Variants in RNF130 observed in about 807,000 individuals in gnomAD.
The protein encoded by RNF130 is E3 ubiquitin-protein ligase RNF130.
A neutral mutation model predicts 44.6 loss-of-function variants in RNF130; 21 were observed. The observed-to-expected ratio is 0.47, with a 90% confidence interval of 0.33 to 0.68. The LOEUF is 0.68. Among genes scored for constraint, RNF130 ranks in the 30% least tolerant of loss-of-function variants. RNF130 has a pLI of 0.02. For missense variants in RNF130, 479 were observed against 560.6 expected, an observed-to-expected ratio of 0.85 and a Z score of 1.47; for synonymous variants, 214 against 210.4, an observed-to-expected ratio of 1.02 and a Z score of -0.15.
intron 1 of RNF130, among the ~76,000 whole-genome samples, chr5:180,042,147 A>ACGGGGAT (rs2113142871): frequency 6.6e-6 from 1 of 152,368 alleles, no homozygotes; most frequent in South Asian, 2.1e-4. Context: ...TGCCTAGCAA[A>ACGGGGAT]AGAAACTAAA....
exon 8 of RNF130, chr5:179,919,007 G>C (rs1016526466): frequency 6.6e-6 from 1 of 152,220 alleles, no homozygotes; most frequent in Non-Finnish European, 1.5e-5. Flanking sequence ...GTTTGCTGTC[G>C]GATCTGACCC....
intron 5 of RNF130, among the ~76,000 whole-genome samples, chr5:179,975,626 G>A (rs1378920571): frequency 1.3e-5 from 2 of 152,136 alleles, no homozygotes; most frequent in African/African-American, 4.8e-5. Context: ...TTGGTGATGC[G>A]TGGAGTGTAA....
intron 3 of RNF130, among the ~76,000 whole-genome samples, chr5:180,005,257 G>A (rs533531206): frequency 2.0e-5 from 3 of 152,156 alleles, no homozygotes; most frequent in South Asian, 2.1e-4. Context: ...GCGAAACCCC[G>A]TCTCTACTAA....
At chr5:179,995,447 A>C (rs1056866721) in intron 3 of RNF130, among the ~76,000 whole-genome samples, 2 of 152,136 alleles carry the variant, frequency 1.3e-5, no homozygotes, top group Non-Finnish European at 2.9e-5. Context: ...CCTACCAAAG[A>C]CCCAGTGTTC....
intron 1 of RNF130, among the ~76,000 whole-genome samples, chr5:180,055,622 A>G (rs921411670): frequency 6.6e-6 from 1 of 152,198 alleles, no homozygotes; most frequent in South Asian, 2.1e-4. Flanking sequence ...CCAACAGTAT[A>G]ATAGCCATAC....
intron 7 of RNF130, chr5:179,939,655 GC>G: frequency 2.2e-6 from 1 of 464,894 alleles, no homozygotes; most frequent in Non-Finnish European, 4.3e-6. Context: ...ATGAAGTGAG[GC>G]CCTGTGACCT....
chr5:179,998,886 T>TATATATAGATA, intron 3 of RNF130, among the ~76,000 whole-genome samples: 1 of 105,942 alleles, frequency 9.4e-6, no homozygotes, highest in East Asian at 2.7e-4. Flanking sequence ...TATATATATG[T>TATATATAGATA]TTTATATATC....
At chr5:180,019,824 A>G (rs1321457973) in intron 2 of RNF130, among the ~76,000 whole-genome samples, 1 of 152,242 alleles carries the variant, frequency 6.6e-6, no homozygotes, top group Non-Finnish European at 1.5e-5. Context: ...TCAGAAAAAT[A>G]AAGTGCAAAC....
chr5:179,937,624 C>T (rs889549490), intron 7 of RNF130, among the ~76,000 whole-genome samples: 40 of 152,210 alleles, frequency 2.6e-4, no homozygotes, highest in East Asian at 7.7e-4. Flanking sequence ...ATGGTTTAGC[C>T]ATTGTGTAAA....
chr5:179,956,855 G>A (rs1199591941), intron 8 of RNF130, among the ~76,000 whole-genome samples: 2 of 152,308 alleles, frequency 1.3e-5, no homozygotes, highest in South Asian at 2.1e-4. Context: ...TCAGCACTGC[G>A]AGCCCCGTGC....
At chr5:179,939,922 C>G (rs1482888437) in intron 7 of RNF130, 1 of 263,334 alleles carries the variant, frequency 3.8e-6, no homozygotes, top group Non-Finnish European at 7.5e-6. Context: ...CCTCCTTCCT[C>G]TGTCTAATCC....
chr5:180,040,363 T>G, intron 2 of RNF130, 90 bp downstream of exon 2: 1 of 1,204,392 alleles, frequency 8.3e-7, no homozygotes, highest in Non-Finnish European at 1.2e-6. Context: ...TGTTGGAAAT[T>G]ACATGGCTTC....
chr5:179,986,698 G>A (rs981610173), intron 3 of RNF130, among the ~76,000 whole-genome samples: 3 of 152,090 alleles, frequency 2.0e-5, no homozygotes, highest in Non-Finnish European at 4.4e-5. Context: ...AACTGTGAAT[G>A]GTGCCATGTA....
intron 2 of RNF130, among the ~76,000 whole-genome samples, chr5:180,015,822 T>A (rs1054392904): frequency 7.2e-5 from 11 of 152,012 alleles, no homozygotes; most frequent in African/African-American, 2.2e-4. Context: ...GTGATTCTAT[T>A]CAAAGAACAC....
intron 6 of RNF130, among the ~76,000 whole-genome samples, 183 bp from the exon 7 acceptor site, chr5:179,967,193 T>C (rs1412978085): frequency 3.3e-5 from 5 of 152,188 alleles, no homozygotes; most frequent in African/African-American, 1.2e-4. Context: ...AGAGTTTTTC[T>C]TCAAAAGGCA....
chr5:180,002,951 G>A (rs940872420), intron 3 of RNF130, among the ~76,000 whole-genome samples: 2 of 151,940 alleles, frequency 1.3e-5, no homozygotes, highest in Non-Finnish European at 2.9e-5. Context: ...AGGAATTTGA[G>A]GAGATTTTAC....
chr5:180,047,278 T>C lies in RNF130; in HGVS notation c.248-6631A>G, dbSNP rs562912924. Among the ~76,000 whole-genome samples the C allele has an allele frequency of 5.3e-5, 8 of 152,358 alleles. No homozygotes were observed. The South Asian group carries it at 1.7e-3, about 32-fold the overall frequency. On this transcript the variant is annotated intron_variant, in intron 1 of 8. Coordinates refer to ENST00000521389, the MANE Select transcript of RNF130 (RefSeq NM_018434.6). The stretch of plus-strand genomic sequence containing the variant: ...AAAAAATACAATTCATCATTTCTGT[T>C]ATCAATTTCTTAATTTTATTTTTAA...
At position 179,989,013 on chromosome 5, in the gene RNF130, C is replaced by T. The variant is rs1763017120; in HGVS notation, c.694-8813G>A. Among the ~76,000 whole-genome samples the T allele has an allele frequency of 3.3e-5, 5 of 152,166 alleles. No individual in the cohort carries two copies. In the South Asian group the frequency reaches 1.0e-3, roughly 32 times the overall value. ...TTTATGCTGCTATGAGGAAATACCCCAGACTGGGTAATTTATAAAGAAAAG... is the reference window on the plus strand; with the variant it reads ...TTTATGCTGCTATGAGGAAATACCCTAGACTGGGTAATTTATAAAGAAAAG... On this transcript the variant is annotated intron_variant, in intron 3 of 8. Coordinates refer to ENST00000521389, the MANE Select transcript of RNF130 (RefSeq NM_018434.6).
chr5:179,965,424 G>A (rs1762420139), intron 7 of RNF130, among the ~76,000 whole-genome samples: 1 of 152,170 alleles, frequency 6.6e-6, no homozygotes, highest in Non-Finnish European at 1.5e-5. Flanking sequence ...TGCTAAAGGT[G>A]ATTAATTTGG....
Sources: gnomAD v4.1 joint callset for allele counts (sites outside exome capture counted in the v4.1 genomes callset) on GRCh38, gnomAD v4.1.1 for gene constraint, MANE v1.5 for transcripts, NCBI Gene and HGNC (gene_info 2026-07-23, HGNC 2026-07-21) for gene names.